The following CTNND2 variants were observed in gnomAD, a reference collection of about 807,000 sequenced individuals.
The protein encoded by CTNND2 is catenin delta-2.
A neutral mutation model predicts 144.4 loss-of-function variants in CTNND2; 22 were observed. The ratio of observed to expected loss-of-function variants is 0.15; its 90% CI spans 0.11 to 0.22. The LOEUF is 0.22. Among genes scored for constraint, CTNND2 ranks in the 10% least tolerant of loss-of-function variants. The probability of loss-of-function intolerance (pLI) is 1.00; values close to 1 mark genes in which losing one functional copy is unlikely to be tolerated. For synonymous variants in CTNND2, 751 were observed against 695.6 expected (o/e 1.08, Z -1.25); for missense variants, 1,353 against 1,618.8 (o/e 0.84, Z 2.82).
chr5:11,364,673 C>T, intron 8 of CTNND2, 23 bp downstream of exon 8: 2 of 1,584,394 alleles, frequency 1.3e-6, no homozygotes, highest in Non-Finnish European at 1.7e-6. Context: ...GACAGGCCAC[C>T]CAGTGGGGTC....
chr5:11,630,564 T>C (rs781397631), intron 2 of CTNND2, among the ~76,000 whole-genome samples: 3 of 152,220 alleles, frequency 2.0e-5, no homozygotes, highest in Non-Finnish European at 4.4e-5. Context: ...AACTTACCCA[T>C]TTATGTGCTT....
chr5:11,815,481 G>GT (rs1361914544), intron 1 of CTNND2, among the ~76,000 whole-genome samples: 10 of 152,072 alleles, frequency 6.6e-5, no homozygotes, highest in Non-Finnish European at 1.3e-4. Flanking sequence ...GACTCAAACT[G>GT]TGTTTTATGA....
At chr5:11,294,847 T>C (rs1445640246) in intron 9 of CTNND2, among the ~76,000 whole-genome samples, 5 of 152,156 alleles carry the variant, frequency 3.3e-5, no homozygotes. Context: ...TAATAAGAGC[T>C]ATCTATGACA....
At chr5:11,303,984 C>T (rs555437174) in intron 9 of CTNND2, among the ~76,000 whole-genome samples, 35 of 152,202 alleles carry the variant, frequency 2.3e-4, no homozygotes, top group Middle Eastern at 3.4e-3. Flanking sequence ...AAACCCCTTT[C>T]GCTTGGTTCT....
intron 1 of CTNND2, among the ~76,000 whole-genome samples, chr5:11,858,855 G>C (rs1449702401): frequency 6.6e-6 from 1 of 152,162 alleles, no homozygotes; most frequent in African/African-American, 2.4e-5. Context: ...CGTGAACCTG[G>C]GAGGCGGAGC....
intron 9 of CTNND2, among the ~76,000 whole-genome samples, chr5:11,319,867 T>C (rs1216449168): frequency 6.6e-6 from 1 of 152,254 alleles, no homozygotes; most frequent in East Asian, 1.9e-4. Context: ...TTTGTTTTTT[T>C]GGATTTTCTT....
intron 9 of CTNND2, among the ~76,000 whole-genome samples, chr5:11,288,849 GA>G (rs35624065): frequency 0.3 from 44,101 of 145,986 alleles, 6,641 homozygotes; most frequent in Middle Eastern, 0.38. Context: ...AACCAAAAAG[GA>G]AAAAAAAAAA....
intron 3 of CTNND2, among the ~76,000 whole-genome samples, chr5:11,452,176 C>T (rs1765366860): frequency 6.6e-6 from 1 of 152,222 alleles, no homozygotes; most frequent in East Asian, 1.9e-4. Flanking sequence ...GTTGCAAAGT[C>T]AGGCTACTGA....
chr5:11,854,181 C>T (rs1248586912), intron 1 of CTNND2, among the ~76,000 whole-genome samples: 1 of 152,290 alleles, frequency 6.6e-6, no homozygotes, highest in African/African-American at 2.4e-5. Context: ...GGCCTGGACC[C>T]GTCTTTTCAA....
intron 1 of CTNND2, among the ~76,000 whole-genome samples, chr5:11,792,818 T>C (rs1288530550): frequency 1.3e-5 from 2 of 152,214 alleles, no homozygotes; most frequent in Non-Finnish European, 2.9e-5. Flanking sequence ...ATTTCCTCTT[T>C]CCCTACGGAA....
At chr5:11,491,613 A>G (rs933027146) in intron 3 of CTNND2, among the ~76,000 whole-genome samples, 13 of 152,204 alleles carry the variant, frequency 8.5e-5, no homozygotes, top group Non-Finnish European at 1.5e-4. Flanking sequence ...AGCATCTCAT[A>G]TGCAGAGCAG....
chr5:11,419,043 GATAGACA>G (rs1762142399), intron 3 of CTNND2, among the ~76,000 whole-genome samples: 6 of 127,676 alleles, frequency 4.7e-5, no homozygotes, highest in Non-Finnish European at 9.9e-5. Flanking sequence ...TAGATATATA[GATAGACA>G]TCTATATAGA....
At chr5:11,767,341 A>G (rs1263303867) in intron 1 of CTNND2, among the ~76,000 whole-genome samples, 2 of 152,166 alleles carry the variant, frequency 1.3e-5, no homozygotes, top group African/African-American at 4.8e-5. Context: ...ATGTGGTGGC[A>G]GGTGTGAGGT....
intron 16 of CTNND2, among the ~76,000 whole-genome samples, chr5:11,045,224 T>C (rs1745108318): frequency 6.6e-6 from 1 of 152,174 alleles, no homozygotes; most frequent in African/African-American, 2.4e-5. Flanking sequence ...AATAAGTTTA[T>C]TTGGATCATG....
intron 1 of CTNND2, among the ~76,000 whole-genome samples, chr5:11,847,049 A>T (rs1794768953): frequency 6.7e-6 from 1 of 150,138 alleles, no homozygotes; most frequent in South Asian, 2.1e-4. Context: ...AAAAAATTAA[A>T]AATATAACTA....
At chr5:11,697,905 T>C (rs1785211491) in intron 2 of CTNND2, among the ~76,000 whole-genome samples, 1 of 152,148 alleles carries the variant, frequency 6.6e-6, no homozygotes, top group African/African-American at 2.4e-5. Flanking sequence ...ACACCCTATG[T>C]CTGGGAGGAG....
chr5:11,707,756 C>G (rs564537458), intron 2 of CTNND2, among the ~76,000 whole-genome samples: 1 of 152,166 alleles, frequency 6.6e-6, no homozygotes, highest in African/African-American at 2.4e-5. Context: ...ATTTTAGACA[C>G]ACAACAATTT....
At chr5:11,372,305 C>T (rs1325375441) in intron 7 of CTNND2, among the ~76,000 whole-genome samples, 2 of 152,206 alleles carry the variant, frequency 1.3e-5, no homozygotes, top group African/African-American at 4.8e-5. Flanking sequence ...TTCTTTTTAA[C>T]CACAAGCATC....
chr5:11,749,918 T>C (rs1024445279), intron 1 of CTNND2, among the ~76,000 whole-genome samples: 3 of 152,032 alleles, frequency 2.0e-5, no homozygotes, highest in African/African-American at 4.8e-5. Flanking sequence ...AATGAGTGCA[T>C]ATCATAATCT....
Sources: allele counts gnomAD v4.1 joint callset (sites outside exome capture counted in the v4.1 genomes callset), GRCh38; gene constraint gnomAD v4.1.1; transcripts MANE v1.5; gene names NCBI Gene and HGNC (gene_info 2026-07-23, HGNC 2026-07-21).